PER3: variants seen among roughly 807,000 people sequenced by gnomAD.
The protein encoded by PER3 is period circadian regulator 3, also known as period circadian protein homolog 3.
PER3 carries 107 observed loss-of-function variants against 127.2 expected under a neutral mutation model. That is an observed-to-expected ratio of 0.84 (90% CI 0.72 to 0.99). The LOEUF is 0.99. Among genes scored for constraint, PER3 ranks in the 50% least tolerant of loss-of-function variants. The pLI is 0.00. For missense variants in PER3, 1,560 were observed against 1,525.8 expected, an observed-to-expected ratio of 1.02 and a Z score of -0.37; for synonymous variants, 618 against 585.8, an observed-to-expected ratio of 1.05 and a Z score of -0.79.
At chr1:7,822,152 C>A (rs1412189884) in intron 16 of PER3, among the ~76,000 whole-genome samples, 1 of 152,030 alleles carries the variant, frequency 6.6e-6, no homozygotes, top group Non-Finnish European at 1.5e-5. Flanking sequence ...ATGCCTATAA[C>A]CCCAGCATTT....
intron 19 of PER3, among the ~76,000 whole-genome samples, chr1:7,831,835 A>T (rs535315678): frequency 6.6e-6 from 1 of 152,232 alleles, no homozygotes; most frequent in East Asian, 1.9e-4. Context: ...ATATTGGTCC[A>T]TTTACTTTCT....
At chr1:7,815,244 T>C (rs988333932) in intron 13 of PER3, among the ~76,000 whole-genome samples, 6 of 152,222 alleles carry the variant, frequency 3.9e-5, no homozygotes, top group Non-Finnish European at 7.3e-5. Context: ...AATCCAGTTA[T>C]TCATATTCAA....
chr1:7,785,507 C>T lies in PER3; in HGVS notation c.195C>T (p.Tyr65=), dbSNP rs2301491. Residue 65 remains tyrosine, a synonymous_variant, in exon 3 of 22, where the codon TAC becomes TAT. Transcript: ENST00000377532. ...LIMVVQEMKK[Y]FPSERRNKPS... ...TGGTTGTCCAAGAAATGAAAAAATA[C>T]TTCCCCTCGGAGAGACGCAATAAAC... 1,419 of 1,610,750 alleles carry T rather than the reference C, an allele frequency of 8.8e-4. 29 individuals carry two copies. The East Asian group carries it at 0.03, about 34-fold the overall frequency.
intron 5 of PER3, among the ~76,000 whole-genome samples, chr1:7,791,500 T>TA (rs775963929): frequency 1.4e-4 from 22 of 152,172 alleles, no homozygotes; most frequent in Non-Finnish European, 2.6e-4. Context: ...CCTCAGCCTG[T>TA]GATGGGAGGG....
rs924706435 is a variant in PER3, at chr1:7,826,085, G to A, written c.1958-395G>A. ...GGGAAACAAATGAGAACTAGACAGA[G>A]CGTGGACGGGGGTGAGGGGAATTTA... is the stretch of plus-strand genomic sequence containing the variant. On this transcript the variant is annotated intron_variant, in intron 16 of 21. Coordinates refer to ENST00000377532, the MANE Select transcript of PER3 (RefSeq NM_001377275.1). The surrounding 1 kb of genome is among the most constrained non-coding windows in gnomAD (Gnocchi z 4.2). Among the ~76,000 whole-genome samples the A allele has an allele frequency of 3.9e-5, 6 of 152,088 alleles. No individual in the cohort carries two copies. Among genetic ancestry groups the A allele is most frequent in the Admixed American group, 6.6e-5 (1 of 15,266 alleles).
At position 7,797,403 on chromosome 1, in the gene PER3, G is replaced by A. The variant is rs1275871702; in HGVS notation, c.645-1122G>A. On this transcript the variant is annotated intron_variant, in intron 6 of 21. Coordinates refer to ENST00000377532, the MANE Select transcript of PER3 (RefSeq NM_001377275.1). ...TAATCCCAGTACTTTGGGAGGCCAA[G>A]GTGGGCTGATCACCTGAGGTCAGGA... Among the ~76,000 whole-genome samples the A allele has an allele frequency of 2.0e-5, 3 of 152,324 alleles. No individual in the cohort carries two copies. The South Asian group carries it at 6.2e-4, about 32-fold the overall frequency.
chr1:7,802,152 G>A (rs2097173310), intron 8 of PER3, among the ~76,000 whole-genome samples: 1 of 152,084 alleles, frequency 6.6e-6, no homozygotes, highest in African/African-American at 2.4e-5. Context: ...AGTTTTTTCT[G>A]AAGCATCCTT....
intron 13 of PER3, 42 bp from the exon 14 acceptor site, chr1:7,819,243 T>C (rs778077348): frequency 8.9e-6 from 14 of 1,575,410 alleles, no homozygotes; most frequent in Non-Finnish European, 1.0e-5. Context: ...CTTAATTACA[T>C]GCTGGGTACT....
At chr1:7,836,895 TGTA>T in intron 20 of PER3, 101 bp from the exon 21 acceptor site, 2 of 757,578 alleles carry the variant, frequency 2.6e-6, no homozygotes, top group South Asian at 4.3e-5. Context: ...TGTTAGAAAA[TGTA>T]AGGTGTATTA....
intron 21 of PER3, 93 bp downstream of exon 21, chr1:7,837,242 A>G: frequency 9.6e-7 from 1 of 1,038,854 alleles, no homozygotes; most frequent in East Asian, 2.4e-5. Context: ...TCCCACTAAA[A>G]ACTTTAATCC....
intron 19 of PER3, among the ~76,000 whole-genome samples, chr1:7,834,425 C>T (rs542059768): frequency 1.3e-5 from 2 of 152,198 alleles, no homozygotes; most frequent in South Asian, 2.1e-4. Flanking sequence ...CAGTAACAAC[C>T]TCTTAAAGTT....
intron 12 of PER3, 140 bp downstream of exon 12, chr1:7,810,161 G>T: frequency 1.1e-6 from 1 of 901,716 alleles, no homozygotes; most frequent in Non-Finnish European, 1.7e-6. Flanking sequence ...ATTTTGGTTT[G>T]GAAAAAAAAG....
chr1:7,809,980 G>A lies in PER3; in HGVS notation c.1330G>A (p.Glu444Lys). ...GCTTGTCAGCATCGCCTCCTCCAGT[G>A]AGGCCAGTGGGCACCGTGTGGAGGA... ...EQLVSIASSS[E>K]ASGHRVEETK... is the part of the protein sequence containing the mutation. The change falls in exon 12 of 22, where the codon GAG becomes AAG. Residue 444 changes from glutamate to lysine, a missense_variant. This residue lies in a region of PER3 where 1,332 missense variants were observed against 1,223.6 expected (regional missense o/e 1.09). Coordinates refer to ENST00000377532, the MANE Select transcript of PER3 (RefSeq NM_001377275.1). The A allele has an allele frequency of 6.2e-7, 1 of 1,614,080 alleles. No individual in the cohort carries two copies. The highest frequency in any genetic ancestry group is 8.5e-7 in the Non-Finnish European group (1 of 1,179,900).
intron 6 of PER3, among the ~76,000 whole-genome samples, chr1:7,796,975 G>A (rs1326999306): frequency 2.0e-5 from 3 of 152,172 alleles, no homozygotes; most frequent in African/African-American, 7.2e-5. Context: ...CTTCCTGGAG[G>A]TGGAGAGAAA....
Position 7,803,050 on chromosome 1 carries a change from A to G in PER3, c.876A>G (p.Ala292=), listed in dbSNP as rs375138389. 7.6e-6 allele frequency: 12 copies of G among 1,573,582 alleles called. No homozygotes were observed. The highest frequency in any genetic ancestry group is 9.6e-6 in the Non-Finnish European group (11 of 1,143,082). ...GTGTTGTGTATCTGTATCCCAGAGC[A>G]GTGCCTTTGCTGGGTTACCTACCTC... The part of the protein sequence containing the change: ...GCVFLEVDEK[A]VPLLGYLPQD... Residue 292 remains alanine (A), a synonymous_variant, in exon 9 of 22, where the codon GCA becomes GCG. Transcript: ENST00000377532.
intron 13 of PER3, among the ~76,000 whole-genome samples, chr1:7,815,042 A>C (rs976068385): frequency 6.6e-6 from 1 of 152,214 alleles, no homozygotes; most frequent in Non-Finnish European, 1.5e-5. Flanking sequence ...TGTGCCAGCT[A>C]CTAAGAACAC....
chr1:7,832,005 T>C (rs1005799764), intron 19 of PER3, among the ~76,000 whole-genome samples: 9 of 152,162 alleles, frequency 5.9e-5, no homozygotes, highest in Non-Finnish European at 1.0e-4. Flanking sequence ...AGTGAATCTT[T>C]CTGGGCCTGG....
intron 14 of PER3, 86 bp from the exon 15 acceptor site, chr1:7,820,029 A>G (rs1036257248): frequency 1.5e-5 from 20 of 1,356,132 alleles, no homozygotes; most frequent in Non-Finnish European, 2.0e-5. Context: ...TATGCCAAAC[A>G]TAAGTGGCAT....
chr1:7,827,273 G>T lies in PER3; in HGVS notation c.2344G>T (p.Ala782Ser). 6.2e-7 allele frequency: 1 copy of T among 1,613,776 alleles called. No homozygotes were observed. The highest frequency in any genetic ancestry group is 1.3e-5 in the African/African-American group (1 of 75,046). Residue 782 changes from alanine (A) to serine (S), a missense_variant, in exon 18 of 22, where the codon GCG becomes TCG. Physicochemically the swap from Ala to Ser is moderately conservative, Grantham distance 99. This residue lies in a region of PER3 where 1,332 missense variants were observed against 1,223.6 expected (regional missense o/e 1.09). Coordinates refer to ENST00000377532, the MANE Select transcript of PER3 (RefSeq NM_001377275.1). ...HQNAQPCCPS[A>S]ASSPHTSSPT... Reference sequence around the variant, plus strand: ...GAACGCACAGCCCTGCTGCCCCTCCGCGGCCTCCTCTCCGCACACCTCGAG... The same window carrying T: ...GAACGCACAGCCCTGCTGCCCCTCCTCGGCCTCCTCTCCGCACACCTCGAG...
Sources: allele counts gnomAD v4.1 joint callset (sites outside exome capture counted in the v4.1 genomes callset), GRCh38; gene constraint gnomAD v4.1.1; regional missense constraint gnomAD v4.1.1; non-coding constraint Gnocchi (gnomAD v3.1); transcripts MANE v1.5; gene names NCBI Gene and HGNC (gene_info 2026-07-23, HGNC 2026-07-21).